ATXN7: variants seen among roughly 807,000 people sequenced by gnomAD.
ATXN7 encodes the protein ataxin-7.
ATXN7 carries 12 observed loss-of-function variants against 70.5 expected under a neutral mutation model. The observed-to-expected ratio is 0.17, with a 90% CI of 0.11 to 0.28. ATXN7 has a LOEUF of 0.28. Ranked by LOEUF, ATXN7 falls within the 10% of genes least tolerant of loss-of-function variation. The pLI is 1.00. For synonymous variants in ATXN7, 498 were observed against 448.7 expected (o/e 1.11, Z -1.39); for missense variants, 1,256 against 1,131.7 (o/e 1.11, Z -1.58).
chr3:63,886,992 G>A (rs1005652993), intron 1 of ATXN7, among the ~76,000 whole-genome samples: 2 of 152,126 alleles, frequency 1.3e-5, no homozygotes, highest in Non-Finnish European at 1.5e-5. Context: ...GTTAATCAGA[G>A]GGTAGGAGAA....
intron 5 of ATXN7, among the ~76,000 whole-genome samples, chr3:63,967,277 G>A (rs1401478355): frequency 6.6e-6 from 1 of 152,052 alleles, no homozygotes; most frequent in Non-Finnish European, 1.5e-5. Flanking sequence ...ACAACAAACT[G>A]GACAAATGTG....
intron 5 of ATXN7, among the ~76,000 whole-genome samples, chr3:63,958,881 A>C (rs535672259): frequency 2.7e-4 from 41 of 152,286 alleles, no homozygotes; most frequent in South Asian, 1.9e-3. Flanking sequence ...TTTTCTACCT[A>C]CTAACATTGA....
intron 4 of ATXN7, among the ~76,000 whole-genome samples, chr3:63,913,946 T>C (rs1704158845): frequency 6.6e-6 from 1 of 152,130 alleles, no homozygotes; most frequent in Admixed American, 6.5e-5. Flanking sequence ...TTCTTTTTCT[T>C]TGAATAGTAA....
Position 63,944,704 on chromosome 3 carries a change from G to A in ATXN7, c.395-7675G>A, listed in dbSNP as rs182885639. Among the ~76,000 whole-genome samples the A allele has an allele frequency of 2.3e-3, 350 of 152,264 alleles. 2 individuals carry two copies. Among genetic ancestry groups the A allele is most frequent in the African/African-American group, 8.2e-3 (342 of 41,556 alleles). ...AGACTTCTGTTAATTAGTAAGAGCC[G>A]GGGACCTTGAGACAAACATTTCTAA... On this transcript the variant is annotated intron_variant, in intron 4 of 12. Transcript: ENST00000674280.
intron 1 of ATXN7, among the ~76,000 whole-genome samples, chr3:63,869,865 A>G (rs1702544924): frequency 1.3e-5 from 2 of 152,182 alleles, no homozygotes; most frequent in Non-Finnish European, 2.9e-5. Context: ...CAACATCTTG[A>G]TGACCTATTG....
chr3:63,875,013 G>A (rs1702708769), intron 1 of ATXN7, among the ~76,000 whole-genome samples: 1 of 152,100 alleles, frequency 6.6e-6, no homozygotes, highest in Non-Finnish European at 1.5e-5. Context: ...TTTCGTAATG[G>A]CACTAATCCT....
At chr3:63,992,999 G>A (rs1407833376) in intron 11 of ATXN7, among the ~76,000 whole-genome samples, 2 of 152,126 alleles carry the variant, frequency 1.3e-5, no homozygotes, top group East Asian at 3.9e-4. Flanking sequence ...CACCCTACCG[G>A]CTCAGCCCAA....
intron 11 of ATXN7, among the ~76,000 whole-genome samples, chr3:63,994,320 C>T (rs965309075): frequency 6.6e-6 from 1 of 152,122 alleles, no homozygotes; most frequent in Admixed American, 6.5e-5. Context: ...CTGTGACCTC[C>T]ACCTCCCCGG....
intron 4 of ATXN7, among the ~76,000 whole-genome samples, chr3:63,930,365 C>A (rs1251922758): frequency 6.6e-6 from 1 of 152,124 alleles, no homozygotes; most frequent in African/African-American, 2.4e-5. Flanking sequence ...TCTTATTTGC[C>A]TGATGAAGAT....
intron 1 of ATXN7, among the ~76,000 whole-genome samples, chr3:63,869,483 G>T (rs993656478): frequency 6.6e-6 from 1 of 152,090 alleles, no homozygotes; most frequent in Non-Finnish European, 1.5e-5. Context: ...GAGTGCAGTG[G>T]CATGATCTTG....
intron 4 of ATXN7, among the ~76,000 whole-genome samples, chr3:63,915,689 T>A (rs1197995057): frequency 4.0e-5 from 6 of 150,806 alleles, no homozygotes; most frequent in East Asian, 1.9e-4. Context: ...TTTATTTATT[T>A]TTTTTTTTTT....
At chr3:63,867,458 C>T (rs1458612367) in intron 1 of ATXN7, among the ~76,000 whole-genome samples, 1 of 152,140 alleles carries the variant, frequency 6.6e-6, no homozygotes, top group Admixed American at 6.5e-5. Flanking sequence ...CCTGCCACAG[C>T]CTCCCAGAGT....
Position 63,913,227 on chromosome 3 carries a change from TGAGTCCAGCCCCCCTGATG to T in ATXN7, c.394+7_394+25del. ...AAGTCATGGGGCTCTGTCGGGAAGG[TGAGTCCAGCCCCCCTGATG>T]GAGTTTGTACAAACCCCTGGGAAGT... is the stretch of plus-strand genomic sequence containing the variant. On this transcript the variant is annotated splice_donor_5th_base_variant and intron_variant, in intron 4 of 12. Transcript: ENST00000674280. 1.2e-6 allele frequency: 2 copies of T among 1,613,334 alleles called. No individual in the cohort carries two copies. The highest frequency in any genetic ancestry group is 1.7e-6 in the Non-Finnish European group (2 of 1,179,646).
chr3:63,972,251 C>T (rs1267856705), intron 5 of ATXN7, among the ~76,000 whole-genome samples: 2 of 152,168 alleles, frequency 1.3e-5, no homozygotes, highest in African/African-American at 4.8e-5. Flanking sequence ...TGTGACTGGC[C>T]AAAGACTGTG....
intron 4 of ATXN7, among the ~76,000 whole-genome samples, chr3:63,920,395 C>T (rs752234771): frequency 6.6e-6 from 1 of 152,098 alleles, no homozygotes; most frequent in Non-Finnish European, 1.5e-5. Context: ...TGAGGTAGCC[C>T]GCTAAGATCA....
At chr3:63,934,877 T>C (rs1374550273) in intron 4 of ATXN7, among the ~76,000 whole-genome samples, 3 of 152,228 alleles carry the variant, frequency 2.0e-5, no homozygotes, top group East Asian at 3.8e-4. Flanking sequence ...GAATGTTCTA[T>C]GCATTGTAGG....
At position 63,974,110 on chromosome 3, in the gene ATXN7, A is replaced by AT. The variant is rs575962159; in HGVS notation, c.500-5802dup. Among the ~76,000 whole-genome samples the AT allele has an allele frequency of 2.3e-3, 353 of 151,922 alleles. 1 individual carries two copies. Among genetic ancestry groups the AT allele is most frequent in the Non-Finnish European group, 4.0e-3 (272 of 67,938 alleles). On this transcript the variant is annotated intron_variant, in intron 5 of 12. Transcript: ENST00000674280. ...GAGACCCTCCCCTGTCTTTCTAGGC[A>AT]TTTGTCTGCCTCTATCAAAACCATC...
chr3:63,890,721 T>G (rs991789434), intron 1 of ATXN7, among the ~76,000 whole-genome samples: 7 of 152,116 alleles, frequency 4.6e-5, no homozygotes, highest in African/African-American at 1.7e-4. Context: ...TTTATAAGAG[T>G]AGGCTAACTG....
chr3:63,920,598 A>G (rs1348787708), intron 4 of ATXN7, among the ~76,000 whole-genome samples: 1 of 152,134 alleles, frequency 6.6e-6, no homozygotes, highest in African/African-American at 2.4e-5. Flanking sequence ...ATTTTTTTTA[A>G]GTAAAAATAT....
Sources: gnomAD v4.1 joint callset for allele counts (sites outside exome capture counted in the v4.1 genomes callset) on GRCh38, gnomAD v4.1.1 for gene constraint, MANE v1.5 for transcripts, NCBI Gene and HGNC (gene_info 2026-07-23, HGNC 2026-07-21) for gene names.